The following MAPK14 variants were observed in gnomAD, a reference collection of about 807,000 sequenced individuals.
MAPK14 encodes the protein mitogen-activated protein kinase 14.
In MAPK14, 16 loss-of-function variants were observed where a neutral mutation model predicts 49.6. The observed-to-expected ratio is 0.32, with a 90% CI of 0.22 to 0.49. MAPK14 has a LOEUF of 0.49. Ranked by LOEUF, MAPK14 falls within the 20% of genes least tolerant of loss-of-function variation. The pLI is 0.99. For missense variants in MAPK14, 200 were observed against 441.2 expected (o/e 0.45, Z 4.90); for synonymous variants, 142 against 158.0 (o/e 0.90, Z 0.76).
In MAPK14 at chr6:36,048,104, C is replaced by T. The variant is rs186756230; in HGVS notation, c.117-4595C>T. On this transcript the variant is annotated intron_variant, in intron 1 of 11. Coordinates refer to ENST00000229794, the MANE Select transcript of MAPK14 (RefSeq NM_139012.3). ...TTGCTAAGGCTTGAGTGCAGTGATG[C>T]AATCTCGGCTCAGTGCAACCTCCAC... 6.0e-5 allele frequency among the ~76,000 whole-genome samples: 9 copies of T among 151,214 alleles called. 1 individual carries two copies. In the East Asian group the frequency reaches 1.4e-3, roughly 23 times the overall value.
intron 9 of MAPK14, chr6:36,100,222 A>G (rs763442520): frequency 6.2e-7 from 1 of 1,613,940 alleles, no homozygotes; most frequent in East Asian, 2.2e-5. Context: ...TGCGTCTGAC[A>G]GGAACACCCC....
At chr6:36,079,241 C>G (rs1202089657) in intron 8 of MAPK14, among the ~76,000 whole-genome samples, 7 of 152,182 alleles carry the variant, frequency 4.6e-5, no homozygotes, top group Non-Finnish European at 1.0e-4. Context: ...ACATAGGCCA[C>G]AATTTCTTTT....
chr6:36,077,204 G>A (rs1205147640), intron 8 of MAPK14, among the ~76,000 whole-genome samples: 2 of 152,092 alleles, frequency 1.3e-5, no homozygotes, highest in African/African-American at 4.8e-5. Context: ...CTAGTTTATG[G>A]TTTATTATAG....
chr6:36,092,109 C>G (rs959984607), intron 8 of MAPK14: 22 of 514,982 alleles, frequency 4.3e-5, no homozygotes, highest in Admixed American at 2.0e-4. Context: ...CATCGAGTCC[C>G]TGCAGCAGGT....
Position 36,109,070 on chromosome 6 carries a change from G to A in MAPK14, c.*623G>A, listed in dbSNP as rs1733104476. 6.5e-6 allele frequency: 1 copy of A among 153,094 alleles called. No individual in the cohort carries two copies. Among genetic ancestry groups the A allele is most frequent in the Admixed American group, 6.5e-5 (1 of 15,324 alleles). 9.5% of individuals were successfully genotyped at this position (153,094 alleles called of 1,614,324 possible). A position where few individuals can be genotyped will look rare whatever the true frequency, so the allele number is the denominator to read the frequency against. ...ATGTTTGTGCCTTAAAAGGAGAGAA[G>A]AAAGTGTAGATAGTTAAAAGACTGC... On this transcript the variant is annotated 3_prime_UTR_variant, in exon 12 of 12. Coordinates refer to ENST00000229794, the MANE Select transcript of MAPK14 (RefSeq NM_139012.3).
chr6:36,035,295 A>G (rs1562096105), intron 1 of MAPK14, among the ~76,000 whole-genome samples: 1 of 152,210 alleles, frequency 6.6e-6, no homozygotes, highest in Non-Finnish European at 1.5e-5. Context: ...ATCTGAGATC[A>G]CTGATCTTTG....
chr6:36,093,897 T>C (rs1367342997), intron 8 of MAPK14, among the ~76,000 whole-genome samples: 1 of 152,242 alleles, frequency 6.6e-6, no homozygotes, highest in African/African-American at 2.4e-5. Flanking sequence ...ATATATGATT[T>C]ACTTTATCTT....
At chr6:36,100,101 G>C (rs1391659939) in intron 9 of MAPK14, 1 of 886,206 alleles carries the variant, frequency 1.1e-6, no homozygotes. Flanking sequence ...TCTGTTTGGG[G>C]GTGGCTTTTT....
At chr6:36,030,285 T>C (rs569896221) in intron 1 of MAPK14, among the ~76,000 whole-genome samples, 122 of 152,322 alleles carry the variant, frequency 8.0e-4, no homozygotes, top group African/African-American at 2.8e-3. Context: ...GTGGTATACT[T>C]TTCTGTGGTA....
At chr6:36,101,242 C>A (rs1419318710) in intron 9 of MAPK14, among the ~76,000 whole-genome samples, 1 of 152,072 alleles carries the variant, frequency 6.6e-6, no homozygotes, top group Non-Finnish European at 1.5e-5. Flanking sequence ...GAGTTTGAGA[C>A]CATCCTGGGC....
chr6:36,095,968 C>T lies in MAPK14; in HGVS notation c.683-19C>T, dbSNP rs559616611. 2 of 1,470,858 alleles carry T rather than the reference C, an allele frequency of 1.4e-6. No individual in the cohort carries two copies. Among genetic ancestry groups the T allele is most frequent in the Non-Finnish European group, 1.9e-6 (2 of 1,058,326 alleles). 91.1% of individuals were successfully genotyped at this position (1,470,858 alleles called of 1,614,324 possible). A position where few individuals can be genotyped will look rare whatever the true frequency, so the allele number is the denominator to read the frequency against. On this transcript the variant is annotated intron_variant, in intron 8 of 11. Transcript: ENST00000229794. ...ATTTTTATTTTGTCCCAACATTTTCCTTTATGGTCCACCATTAGATATTGA... is the reference window on the plus strand; with the variant it reads ...ATTTTTATTTTGTCCCAACATTTTCTTTTATGGTCCACCATTAGATATTGA...
chr6:36,052,642 A>C (rs1763446743), intron 1 of MAPK14, 57 bp from the exon 2 acceptor site: 2 of 1,503,372 alleles, frequency 1.3e-6, no homozygotes, highest in African/African-American at 1.4e-5. Context: ...TAAATACCCC[A>C]AAATAATATT....
intron 8 of MAPK14, among the ~76,000 whole-genome samples, chr6:36,086,025 G>A (rs1100859): frequency 0.89 from 135,179 of 152,208 alleles, 60,183 homozygotes; most frequent in East Asian, 1. Context: ...ACACAATTAC[G>A]TGGAAATTGG....
intron 2 of MAPK14, among the ~76,000 whole-genome samples, chr6:36,053,216 A>G (rs1043610969): frequency 6.8e-6 from 1 of 146,762 alleles, no homozygotes; most frequent in Admixed American, 6.7e-5. Context: ...TTAAAAGACA[A>G]AATAGCCACA....
At position 36,108,725 on chromosome 6, in the gene MAPK14, G is replaced by A. The variant is rs1765876837; in HGVS notation, c.*278G>A. ...CACCTTGCTCTTCTTTCTGAGAGTT[G>A]GCTCAGGCAGACAAGAGCTGCTGTC... is the stretch of plus-strand genomic sequence containing the variant. On this transcript the variant is annotated 3_prime_UTR_variant, in exon 12 of 12. Coordinates refer to ENST00000229794, the MANE Select transcript of MAPK14 (RefSeq NM_139012.3). 6.8e-6 allele frequency: 3 copies of A among 441,752 alleles called. No individual in the cohort carries two copies. The South Asian group carries it at 8.0e-5, about 12-fold the overall frequency. 27.4% of individuals were successfully genotyped at this position (441,752 alleles called of 1,614,324 possible).
At chr6:36,044,191 T>C (rs555015845) in intron 1 of MAPK14, among the ~76,000 whole-genome samples, 15 of 152,318 alleles carry the variant, frequency 9.8e-5, no homozygotes, top group Non-Finnish European at 2.2e-4. Flanking sequence ...TCAATATATT[T>C]AAATATTTCC....
At chr6:36,066,552 G>T (rs998514414) in intron 3 of MAPK14, among the ~76,000 whole-genome samples, 2 of 152,106 alleles carry the variant, frequency 1.3e-5, no homozygotes, top group African/African-American at 4.8e-5. Flanking sequence ...CTCTAAAGAA[G>T]GTAATAACTG....
intron 8 of MAPK14, among the ~76,000 whole-genome samples, chr6:36,090,573 T>C (rs1765185448): frequency 1.3e-5 from 2 of 150,622 alleles, no homozygotes; most frequent in South Asian, 4.2e-4. Context: ...TCGCCCAGGC[T>C]GGAGTGCAAT....
chr6:36,054,902 G>A (rs1763535747), intron 2 of MAPK14, among the ~76,000 whole-genome samples: 2 of 152,314 alleles, frequency 1.3e-5, no homozygotes, highest in African/African-American at 4.8e-5. Flanking sequence ...AACATTTTAG[G>A]TGTTGGTAAC....
Sources: allele counts gnomAD v4.1 joint callset (sites outside exome capture counted in the v4.1 genomes callset), GRCh38; gene constraint gnomAD v4.1.1; transcripts MANE v1.5; gene names NCBI Gene and HGNC (gene_info 2026-07-23, HGNC 2026-07-21).